LRRC4C: variants seen among roughly 807,000 people sequenced by gnomAD.
The protein encoded by LRRC4C is leucine rich repeat containing 4C, also known as leucine-rich repeat-containing protein 4C.
Under a neutral mutation model 33.6 loss-of-function variants are expected in LRRC4C, and 5 were observed. That is an observed-to-expected ratio of 0.15 (90% CI 0.08 to 0.31). The LOEUF is 0.31. Among genes scored for constraint, LRRC4C ranks in the 10% least tolerant of loss-of-function variants. The pLI is 1.00. For missense variants in LRRC4C, 560 were observed against 796.7 expected (o/e 0.70, Z 3.58); for synonymous variants, 329 against 302.0 (o/e 1.09, Z -0.93).
At chr11:40,880,610 TATC>T (rs1191237169) in intron 2 of LRRC4C, among the ~76,000 whole-genome samples, 31 of 150,900 alleles carry the variant, frequency 2.1e-4, no homozygotes, top group African/African-American at 6.5e-4. Context: ...ATTATCAACA[TATC>T]AAATTATTCT....
chr11:41,050,031 A>G (rs968145253), intron 1 of LRRC4C, among the ~76,000 whole-genome samples: 18 of 152,218 alleles, frequency 1.2e-4, no homozygotes, highest in African/African-American at 4.1e-4. Flanking sequence ...GGTAAATAGT[A>G]TGATATAGGC....
chr11:40,474,456 G>A (rs1296816349), intron 3 of LRRC4C, among the ~76,000 whole-genome samples: 2 of 152,068 alleles, frequency 1.3e-5, no homozygotes, highest in African/African-American at 2.4e-5. Flanking sequence ...AGACTTAAAC[G>A]TAAGACCTAA....
In LRRC4C at chr11:40,507,588, C is replaced by T. The variant is rs80099605; in HGVS notation, c.-270+140554G>A. ...GCCTAGCATTACCATATGTGTGAAT[C>T]ACTTTCAACTGAACTTTTAGCAGTT... is the stretch of plus-strand genomic sequence containing the variant. On this transcript the variant is annotated intron_variant, in intron 3 of 6. Coordinates refer to ENST00000528697, the MANE Select transcript of LRRC4C (RefSeq NM_001258419.2). 8.8e-3 allele frequency among the ~76,000 whole-genome samples: 1,343 copies of T among 152,126 alleles called. 11 individuals are homozygous for T. Among genetic ancestry groups the T allele is most frequent in the African/African-American group, 0.031 (1,273 of 41,496 alleles).
chr11:40,162,849 T>C (rs1219181056), intron 5 of LRRC4C, among the ~76,000 whole-genome samples: 3 of 152,204 alleles, frequency 2.0e-5, no homozygotes, highest in Non-Finnish European at 2.9e-5. Context: ...GCACTTTAAC[T>C]TGTACTTCTA....
At chr11:41,037,787 T>A (rs10837556) in intron 1 of LRRC4C, among the ~76,000 whole-genome samples, 1 of 151,830 alleles carries the variant, frequency 6.6e-6, no homozygotes. Context: ...GAGTACTTAA[T>A]TTAATCTTCC....
intron 5 of LRRC4C, among the ~76,000 whole-genome samples, chr11:40,208,905 A>G (rs1010077695): frequency 5.3e-5 from 8 of 151,864 alleles, no homozygotes; most frequent in African/African-American, 1.9e-4. Context: ...TATTTACACA[A>G]GAAAACAGTC....
intron 1 of LRRC4C, among the ~76,000 whole-genome samples, chr11:41,304,347 T>TG (rs1181889801): frequency 4.0e-5 from 3 of 75,568 alleles, no homozygotes; most frequent in African/African-American, 1.6e-4. Flanking sequence ...GGGAGGGAGG[T>TG]GGGGGGGTCA....
chr11:40,120,652 A>T (rs1173691380), intron 6 of LRRC4C, among the ~76,000 whole-genome samples: 1 of 152,040 alleles, frequency 6.6e-6, no homozygotes, highest in Non-Finnish European at 1.5e-5. Context: ...CCCATTCCCT[A>T]CCCCATAGCC....
chr11:41,318,592 A>T (rs1950863693), intron 1 of LRRC4C, among the ~76,000 whole-genome samples: 2 of 152,080 alleles, frequency 1.3e-5, no homozygotes, highest in Admixed American at 6.6e-5. Flanking sequence ...CTCTTTGCCC[A>T]CTTTTGCTCT....
At chr11:41,067,423 C>T (rs1938332793) in intron 1 of LRRC4C, among the ~76,000 whole-genome samples, 1 of 152,158 alleles carries the variant, frequency 6.6e-6, no homozygotes, top group Admixed American at 6.6e-5. Context: ...AAAGCAAGTT[C>T]TTAGAGACCT....
chr11:41,180,453 C>G (rs1945396910), intron 1 of LRRC4C, among the ~76,000 whole-genome samples: 1 of 152,050 alleles, frequency 6.6e-6, no homozygotes, highest in South Asian at 2.1e-4. Flanking sequence ...GAGAAAAGAA[C>G]TTTGATCCAG....
At chr11:40,465,497 A>G (rs1952608315) in intron 3 of LRRC4C, among the ~76,000 whole-genome samples, 1 of 152,022 alleles carries the variant, frequency 6.6e-6, no homozygotes, top group South Asian at 2.1e-4. Flanking sequence ...AGACATAATC[A>G]ACAGAGTGAA....
At chr11:40,978,908 AG>A (rs1852297379) in intron 1 of LRRC4C, among the ~76,000 whole-genome samples, 1 of 152,086 alleles carries the variant, frequency 6.6e-6, no homozygotes, top group African/African-American at 2.4e-5. Context: ...CTAGGATTGC[AG>A]GGGTGAGCCA....
At chr11:41,293,419 T>A (rs1950046304) in intron 1 of LRRC4C, among the ~76,000 whole-genome samples, 1 of 152,094 alleles carries the variant, frequency 6.6e-6, no homozygotes. Context: ...TATATAGAAC[T>A]ATTAATAGTG....
intron 3 of LRRC4C, among the ~76,000 whole-genome samples, chr11:40,616,490 G>A (rs1961847636): frequency 2.0e-5 from 3 of 151,632 alleles, no homozygotes; most frequent in Admixed American, 2.0e-4. Context: ...ATTCACAATA[G>A]CAAAGACTTG....
At chr11:40,507,349 C>T (rs768674049) in intron 3 of LRRC4C, among the ~76,000 whole-genome samples, 22 of 152,020 alleles carry the variant, frequency 1.4e-4, no homozygotes, top group Non-Finnish European at 2.9e-4. Flanking sequence ...AGGCAGCTTA[C>T]TAAAAATAAA....
chr11:40,655,202 C>T (rs1042996236), intron 2 of LRRC4C, among the ~76,000 whole-genome samples: 1 of 152,190 alleles, frequency 6.6e-6, no homozygotes, highest in African/African-American at 2.4e-5. Context: ...TTCATTTTCA[C>T]ATCTACTTTA....
chr11:40,359,230 A>G (rs1237346807), intron 3 of LRRC4C, among the ~76,000 whole-genome samples: 1 of 152,240 alleles, frequency 6.6e-6, no homozygotes, highest in Non-Finnish European at 1.5e-5. Flanking sequence ...GGCCTTCATT[A>G]GAATAGCAAG....
chr11:40,571,145 C>T (rs916231272), intron 3 of LRRC4C, among the ~76,000 whole-genome samples: 2 of 151,822 alleles, frequency 1.3e-5, no homozygotes, highest in Admixed American at 6.6e-5. Flanking sequence ...AATTAGGATA[C>T]GTAATTATGT....
Sources: gnomAD v4.1 joint callset for allele counts (sites outside exome capture counted in the v4.1 genomes callset) on GRCh38, gnomAD v4.1.1 for gene constraint, MANE v1.5 for transcripts, NCBI Gene and HGNC (gene_info 2026-07-23, HGNC 2026-07-21) for gene names.